The following ACO2 variants were observed in gnomAD, a reference collection of about 807,000 sequenced individuals.
ACO2 encodes the protein aconitate hydratase, mitochondrial.
ACO2 carries 31 observed loss-of-function variants against 84.5 expected under a neutral mutation model. The observed-to-expected ratio is 0.37, with a 90% CI of 0.28 to 0.50. The LOEUF (loss-of-function observed/expected upper bound fraction) is 0.50, where lower values mean the gene tolerates loss of function less well. Ranked by LOEUF, ACO2 falls within the 20% of genes least tolerant of loss-of-function variation. The pLI, the probability that ACO2 is intolerant of heterozygous loss-of-function variation, is 0.97. For synonymous variants in ACO2, 414 were observed against 412.7 expected (o/e 1.00, Z -0.04); for missense variants, 685 against 1,029.3 (o/e 0.67, Z 4.58).
rs575237560 is a variant in ACO2, at chr22:41,522,207, C to T, written c.1139-623C>T. ...ATTAGCCAGGTGTGGTGGTACTCAC[C>T]TGTGGGTCCCAGCTACTCAGGAAGT... is the stretch of plus-strand genomic sequence containing the variant. On this transcript the variant is annotated intron_variant, in intron 9 of 17. Coordinates refer to ENST00000216254, the MANE Select transcript of ACO2 (RefSeq NM_001098.3). Among the ~76,000 whole-genome samples the T allele has an allele frequency of 2.4e-3, 366 of 152,244 alleles. 3 individuals carry two copies. The highest frequency in any genetic ancestry group is 3.3e-3 in the Non-Finnish European group (223 of 68,010).
chr22:41,515,746 G>A lies in ACO2; in HGVS notation c.685-21G>A, dbSNP rs780553868. 1.6e-5 allele frequency: 25 copies of A among 1,612,392 alleles called. No homozygotes were observed. The highest frequency in any genetic ancestry group is 7.7e-5 in the South Asian group (7 of 91,002). ...CAGGCACACACGGCCTCTCACAGCCGCCTCGCCCCCTCCTGTCCAGGTGAT... is the reference window on the plus strand; with the variant it reads ...CAGGCACACACGGCCTCTCACAGCCACCTCGCCCCCTCCTGTCCAGGTGAT... On this transcript the variant is annotated intron_variant, in intron 5 of 17. Coordinates refer to ENST00000216254, the MANE Select transcript of ACO2 (RefSeq NM_001098.3). The surrounding 1 kb of genome is among the most constrained non-coding windows in gnomAD (Gnocchi z 5.8).
chr22:41,523,134 GCCA>G (rs1447432715), intron 10 of ACO2, 68 bp from the exon 11 acceptor site: 7 of 1,541,368 alleles, frequency 4.5e-6, no homozygotes, highest in Admixed American at 3.5e-5. Flanking sequence ...TCGTCCTGCA[GCCA>G]CCACATCACC....
At chr22:41,511,058 T>A (rs917869024) in intron 3 of ACO2, among the ~76,000 whole-genome samples, 2 of 152,096 alleles carry the variant, frequency 1.3e-5, no homozygotes, top group African/African-American at 2.4e-5. Flanking sequence ...CAGGCTGGAG[T>A]GTAGTGGTGC....
intron 1 of ACO2, 27 bp downstream of exon 1, chr22:41,469,209 T>C (rs1217763489): frequency 6.2e-7 from 1 of 1,603,518 alleles, no homozygotes; most frequent in African/African-American, 1.3e-5. Flanking sequence ...ACCTCTGGGT[T>C]CACGGGGGCG....
intron 15 of ACO2, 117 bp downstream of exon 15, chr22:41,526,570 G>C: frequency 8.4e-7 from 1 of 1,191,554 alleles, no homozygotes; most frequent in Admixed American, 2.4e-5. Flanking sequence ...CAAGCCCAAA[G>C]GGGACTGCTG....
chr22:41,476,739 AACAC>A (rs888842127), intron 1 of ACO2, among the ~76,000 whole-genome samples: 1 of 152,030 alleles, frequency 6.6e-6, no homozygotes, highest in Non-Finnish European at 1.5e-5. Context: ...AAAACAAAAA[AACAC>A]ACACACTGCA....
chr22:41,475,198 G>T (rs1414302964), intron 1 of ACO2, among the ~76,000 whole-genome samples: 3 of 140,936 alleles, frequency 2.1e-5, no homozygotes, highest in East Asian at 4.1e-4. Context: ...TTTGAGATAG[G>T]GCCTCATTCT....
At chr22:41,522,347 C>G (rs565675047) in intron 9 of ACO2, among the ~76,000 whole-genome samples, 23 of 152,216 alleles carry the variant, frequency 1.5e-4, no homozygotes, top group African/African-American at 5.3e-4. Flanking sequence ...TCAACAACAA[C>G]AAAAAGAGAC....
chr22:41,523,772 G>C (rs1017892325), intron 11 of ACO2, 58 bp from the exon 12 acceptor site: 8 of 1,468,482 alleles, frequency 5.4e-6, no homozygotes, highest in Non-Finnish European at 7.6e-6. Flanking sequence ...ATCTGTCCTC[G>C]GGACAGGCCA....
intron 2 of ACO2, among the ~76,000 whole-genome samples, chr22:41,505,076 C>A (rs1245295419): frequency 1.3e-5 from 2 of 151,820 alleles, no homozygotes; most frequent in Non-Finnish European, 2.9e-5. Flanking sequence ...ACCCAGCTTG[C>A]AGAAGGAAGT....
rs994794765 is a variant in ACO2 at position 41,527,054 on chromosome 22, T to C, written c.1954-234T>C. On this transcript the variant is annotated intron_variant, in intron 15 of 17. Transcript: ENST00000216254. ...AAGCACCAATGGGTGGCTTCTGTCTTCTTTGCCACTGCAAACAACCACGTG... is the reference window on the plus strand; with the variant it reads ...AAGCACCAATGGGTGGCTTCTGTCTCCTTTGCCACTGCAAACAACCACGTG... 13 of 606,192 alleles carry C rather than the reference T, an allele frequency of 2.1e-5. No individual in the cohort carries two copies. The Admixed American group carries it at 2.7e-4, about 13-fold the overall frequency. The allele number at this position is 606,192 out of a possible 1,614,324, so 37.6% of individuals were successfully genotyped here. A position where few individuals can be genotyped will look rare whatever the true frequency, so the allele number is the denominator to read the frequency against.
chr22:41,516,198 G>A (rs2066475003), intron 6 of ACO2: 2 of 606,196 alleles, frequency 3.3e-6, no homozygotes, highest in South Asian at 4.0e-5. Context: ...AGCTTCTGCT[G>A]CTGGGCCCAG....
intron 1 of ACO2, among the ~76,000 whole-genome samples, chr22:41,482,274 C>T (rs1317657977): frequency 6.6e-6 from 1 of 152,244 alleles, no homozygotes; most frequent in African/African-American, 2.4e-5. Context: ...GAGGACTCAG[C>T]CCACCTGGCC....
chr22:41,473,602 T>C (rs1220559445), intron 1 of ACO2, among the ~76,000 whole-genome samples: 11 of 152,206 alleles, frequency 7.2e-5, no homozygotes, highest in Non-Finnish European at 7.3e-5. Context: ...GCTTAAATTG[T>C]TGTCCTGGGG....
At position 41,528,640 on chromosome 22, in the gene ACO2, G is replaced by A; in HGVS notation, c.*27G>A. On this transcript the variant is annotated 3_prime_UTR_variant, in exon 18 of 18. Transcript: ENST00000216254. ...GGCAGTGCCTCCCCGCCCCGCCGCT[G>A]GCGTCAAGTTCAGCTCCACGTGTGC... 2.5e-6 allele frequency: 4 copies of A among 1,608,320 alleles called. No homozygotes were observed. The highest frequency in any genetic ancestry group is 3.4e-6 in the Non-Finnish European group (4 of 1,178,862).
intron 9 of ACO2, among the ~76,000 whole-genome samples, chr22:41,521,957 A>ATCTC (rs2066530183): frequency 6.6e-6 from 1 of 152,112 alleles, no homozygotes; most frequent in Non-Finnish European, 1.5e-5. Flanking sequence ...TTTTTAGTAG[A>ATCTC]GATGGGGGTT....
At chr22:41,490,141 G>T (rs2066261369) in intron 1 of ACO2, among the ~76,000 whole-genome samples, 1 of 152,134 alleles carries the variant, frequency 6.6e-6, no homozygotes, top group Non-Finnish European at 1.5e-5. Context: ...TGGCAAACAT[G>T]GTGAAACCCT....
chr22:41,521,464 T>C (rs528004449), intron 9 of ACO2: 1 of 152,354 alleles, frequency 6.6e-6, no homozygotes, highest in African/African-American at 2.4e-5. Flanking sequence ...TGTCTATGTG[T>C]GGGTTCCCCA....
Position 41,518,582 on chromosome 22 carries a change from C to A in ACO2, c.1032+10C>A. ...AATTAACCTCAGTGAGGTGAGGAGA[C>A]AATTAACTGGGTTCAAGAAGTTTCT... On this transcript the variant is annotated intron_variant, in intron 8 of 17. Coordinates refer to ENST00000216254, the MANE Select transcript of ACO2 (RefSeq NM_001098.3). The A allele has an allele frequency of 6.2e-7, 1 of 1,604,706 alleles. No individual in the cohort carries two copies. The highest frequency in any genetic ancestry group is 1.1e-5 in the South Asian group (1 of 90,860).
Sources: gnomAD v4.1 joint callset for allele counts (sites outside exome capture counted in the v4.1 genomes callset) on GRCh38, gnomAD v4.1.1 for gene constraint, Gnocchi (gnomAD v3.1) non-coding constraint, MANE v1.5 for transcripts, NCBI Gene and HGNC (gene_info 2026-07-23, HGNC 2026-07-21) for gene names.